The following FSTL4 variants were observed in gnomAD, a reference collection of about 807,000 sequenced individuals.
FSTL4 encodes follistatin like 4.
In FSTL4, 28 loss-of-function variants were observed where a neutral mutation model predicts 78.2. The ratio of observed to expected loss-of-function variants is 0.36; its 90% CI spans 0.27 to 0.49. The LOEUF (loss-of-function observed/expected upper bound fraction) is 0.49, where lower values mean the gene tolerates loss of function less well. FSTL4 is among the 20% of genes least tolerant of loss of function. The pLI is 0.98. For missense variants in FSTL4, 922 were observed against 1,084.9 expected (o/e 0.85, Z 2.11); for synonymous variants, 422 against 440.5 (o/e 0.96, Z 0.53).
At position 133,562,204 on chromosome 5, in the gene FSTL4, C is replaced by G. The variant is rs554332215; in HGVS notation, c.160+4982G>C. On this transcript the variant is annotated intron_variant, in intron 3 of 15. Transcript: ENST00000265342. Reference sequence around the variant, plus strand: ...ATCTGCAGCTATTAAAGAAGTTACCCCAAAATAACCTAGGAGTTTATTAAT... The same window carrying G: ...ATCTGCAGCTATTAAAGAAGTTACCGCAAAATAACCTAGGAGTTTATTAAT... Among the ~76,000 whole-genome samples, 7 of 152,228 alleles carry G rather than the reference C, an allele frequency of 4.6e-5. No individual in the cohort carries two copies. In the South Asian group the frequency reaches 1.5e-3, roughly 32 times the overall value.
Position 133,236,334 on chromosome 5 carries a change from T to C in FSTL4, c.895-2797A>G, listed in dbSNP as rs2126806566. ...TTCCCAGATATCAACCTCAGGTTGA[T>C]ACCCATTAATACCAACATACGGTCT... On this transcript the variant is annotated intron_variant, in intron 7 of 15. Coordinates refer to ENST00000265342, the MANE Select transcript of FSTL4 (RefSeq NM_015082.2). This position sits in a 1 kb window ranked among gnomAD's most constrained non-coding sequence, Gnocchi z 5.0. 6.6e-6 allele frequency among the ~76,000 whole-genome samples: 1 copy of C among 152,194 alleles called. No homozygotes were observed. Among genetic ancestry groups the C allele is most frequent in the East Asian group, 1.9e-4 (1 of 5,174 alleles).
At chr5:133,381,375 G>A (rs981957591) in intron 4 of FSTL4, among the ~76,000 whole-genome samples, 1 of 152,228 alleles carries the variant, frequency 6.6e-6, no homozygotes, top group African/African-American at 2.4e-5. Context: ...ATCAGATACT[G>A]AGTGTAAGAA....
At chr5:133,703,918 T>C in the FSTL4 span, among the ~76,000 whole-genome samples, 2 of 152,202 alleles carry the variant, frequency 1.3e-5, no homozygotes, top group Non-Finnish European at 2.9e-5. Context: ...TTGATTTTCA[T>C]TTCGCTCAGG....
chr5:133,563,256 A>G (rs2112940140), intron 3 of FSTL4, among the ~76,000 whole-genome samples: 1 of 152,292 alleles, frequency 6.6e-6, no homozygotes, highest in African/African-American at 2.4e-5. Context: ...AAGTCCCACA[A>G]ATCTAACTTG....
the FSTL4 span, among the ~76,000 whole-genome samples, chr5:133,652,427 C>G: frequency 6.6e-6 from 1 of 152,124 alleles, no homozygotes; most frequent in African/African-American, 2.4e-5. Context: ...CATTGCATCT[C>G]ACAAATTTTG....
At chr5:133,323,095 A>C (rs1754114641) in intron 4 of FSTL4, among the ~76,000 whole-genome samples, 1 of 152,104 alleles carries the variant, frequency 6.6e-6, no homozygotes, top group Non-Finnish European at 1.5e-5. Flanking sequence ...TAAGGTCTTC[A>C]GGGGGACACA....
intron 11 of FSTL4, among the ~76,000 whole-genome samples, chr5:133,221,891 GTTTTTTTTTTTTTTTTTTTTTT>G (rs59400068): frequency 0.2 from 8,468 of 43,404 alleles, 1,066 homozygotes; most frequent in African/African-American, 0.41. Flanking sequence ...CTCTTTTCTA[GTTTTTTTTTTTTTTTTTTTTTT>G]TTTTTTTTTT....
chr5:133,602,343 A>G (rs904902071), intron 2 of FSTL4, among the ~76,000 whole-genome samples: 3 of 152,172 alleles, frequency 2.0e-5, no homozygotes, highest in African/African-American at 7.2e-5. Flanking sequence ...CACACAAAGA[A>G]TTAGGGTGTT....
the FSTL4 span, among the ~76,000 whole-genome samples, chr5:133,636,422 G>A: frequency 1.6e-4 from 24 of 151,710 alleles, no homozygotes; most frequent in African/African-American, 5.8e-4. Context: ...TCTTTTACAT[G>A]TCTAAACCCC....
the FSTL4 span, among the ~76,000 whole-genome samples, chr5:133,714,078 T>A: frequency 6.6e-6 from 1 of 152,168 alleles, no homozygotes; most frequent in East Asian, 1.9e-4. Context: ...GGTGAGAAAC[T>A]AGACACAGCA....
intron 4 of FSTL4, among the ~76,000 whole-genome samples, chr5:133,383,617 G>A (rs1580665951): frequency 6.6e-6 from 1 of 152,160 alleles, no homozygotes; most frequent in East Asian, 1.9e-4. Context: ...CCCATCACTC[G>A]GCGGGGACAC....
At chr5:133,203,976 AG>A (rs1347525907) in intron 14 of FSTL4, among the ~76,000 whole-genome samples, 1 of 23,670 alleles carries the variant, frequency 4.2e-5, no homozygotes, top group African/African-American at 1.8e-4. Context: ...CCCTAAAGAT[AG>A]ATAACTGTCA....
At chr5:133,428,433 T>C (rs1435721470) in intron 3 of FSTL4, among the ~76,000 whole-genome samples, 2 of 152,128 alleles carry the variant, frequency 1.3e-5, no homozygotes, top group Non-Finnish European at 2.9e-5. Context: ...TTGCTTGACA[T>C]GCTTGTGGAG....
intron 6 of FSTL4, among the ~76,000 whole-genome samples, chr5:133,305,994 G>A (rs919048431): frequency 6.6e-6 from 1 of 152,220 alleles, no homozygotes; most frequent in South Asian, 2.1e-4. Flanking sequence ...CCTTCCCACG[G>A]TGGTCTTCCT....
intron 4 of FSTL4, among the ~76,000 whole-genome samples, chr5:133,385,442 C>A (rs2126956279): frequency 6.6e-6 from 1 of 152,320 alleles, no homozygotes; most frequent in South Asian, 2.1e-4. Context: ...TAGAGAAGCT[C>A]TATCCCTGAT....
At chr5:133,711,960 T>C in the FSTL4 span, among the ~76,000 whole-genome samples, 1 of 152,148 alleles carries the variant, frequency 6.6e-6, no homozygotes, top group East Asian at 1.9e-4. Context: ...GGAAAACTGA[T>C]GACAGCTCAG....
chr5:133,557,366 G>C (rs1332810260), intron 3 of FSTL4, among the ~76,000 whole-genome samples: 2 of 152,226 alleles, frequency 1.3e-5, no homozygotes, highest in Admixed American at 1.3e-4. Flanking sequence ...GAGACACCCA[G>C]ATGTGAAATC....
the FSTL4 span, among the ~76,000 whole-genome samples, chr5:133,688,427 C>T: frequency 6.6e-6 from 1 of 152,134 alleles, no homozygotes; most frequent in African/African-American, 2.4e-5. Flanking sequence ...AAAACAAAAG[C>T]AAGCAACAAC....
chr5:133,676,809 T>C, the FSTL4 span, among the ~76,000 whole-genome samples: 1 of 152,224 alleles, frequency 6.6e-6, no homozygotes, highest in South Asian at 2.1e-4. Flanking sequence ...AGTCCCTTCA[T>C]CAGAAACTGG....
Sources: gnomAD v4.1 joint callset for allele counts (sites outside exome capture counted in the v4.1 genomes callset) on GRCh38, gnomAD v4.1.1 for gene constraint, Gnocchi (gnomAD v3.1) non-coding constraint, MANE v1.5 for transcripts, NCBI Gene and HGNC (gene_info 2026-07-23, HGNC 2026-07-21) for gene names.